The following FSTL5 variants were observed in gnomAD, a reference collection of about 807,000 sequenced individuals.
FSTL5 encodes the protein follistatin-related protein 5.
FSTL5 carries 62 observed loss-of-function variants against 89.1 expected under a neutral mutation model. That is an observed-to-expected ratio of 0.70 (90% confidence interval 0.57 to 0.86). The LOEUF is 0.86. FSTL5 is among the 40% of genes least tolerant of loss of function. The pLI is 0.00. For synonymous variants in FSTL5, 383 were observed against 346.2 expected (o/e 1.11, Z -1.18); for missense variants, 1,057 against 1,001.6 (o/e 1.06, Z -0.75).
chr4:162,030,345 G>T (rs1486692579), intron 3 of FSTL5, among the ~76,000 whole-genome samples: 1 of 152,098 alleles, frequency 6.6e-6, no homozygotes, highest in Non-Finnish European at 1.5e-5. Context: ...TACAATGTCT[G>T]AAATCTAATA....
rs527306334 is a variant in FSTL5, at chr4:161,616,772, C to T, written c.895-29197G>A. On this transcript the variant is annotated intron_variant, in intron 7 of 15. Transcript: ENST00000306100. The stretch of plus-strand genomic sequence containing the variant: ...CATGCAGAGCTTAATACATCGGTGA[C>T]GAGTGGATAGGTGCAGCAAACCACC... 1.8e-4 allele frequency among the ~76,000 whole-genome samples: 27 copies of T among 151,528 alleles called. 1 individual carries two copies. In the South Asian group the frequency reaches 3.6e-3, roughly 20 times the overall value.
intron 8 of FSTL5, among the ~76,000 whole-genome samples, chr4:161,543,645 T>G (rs545382613): frequency 6.6e-6 from 1 of 151,976 alleles, no homozygotes; most frequent in South Asian, 2.1e-4. Context: ...AGTGCAGAAA[T>G]AAACATACAT....
intron 15 of FSTL5, 25 bp downstream of exon 15, chr4:161,454,979 G>C (rs765609377): frequency 1.0e-5 from 16 of 1,606,790 alleles, no homozygotes; most frequent in Non-Finnish European, 1.4e-5. Flanking sequence ...TCTTTAAAAA[G>C]TTGATCACTC....
intron 3 of FSTL5, among the ~76,000 whole-genome samples, chr4:162,030,084 A>AT (rs1737462618): frequency 6.6e-6 from 1 of 151,522 alleles, no homozygotes; most frequent in Non-Finnish European, 1.5e-5. Flanking sequence ...TTATTTATTT[A>AT]TTTTTTTACT....
chr4:161,386,190 G>A lies in FSTL5; in HGVS notation c.2101C>T (p.Pro701Ser). The A allele has an allele frequency of 6.2e-7, 1 of 1,613,958 alleles. No homozygotes were observed. The highest frequency in any genetic ancestry group is 8.5e-7 in the Non-Finnish European group (1 of 1,179,964). The change falls in exon 16 of 16, where the codon CCA becomes TCA. Residue 701 changes from proline (P) to serine (S), a missense_variant. By Grantham distance (74) the Pro-to-Ser change is moderately conservative. Coordinates refer to ENST00000306100, the MANE Select transcript of FSTL5 (RefSeq NM_020116.5). ...ATGCTGACAAGGTAGTGGCCATCTGGAGAGACATATGGAGTGCCCGTCACA... is the reference window on the plus strand; with the variant it reads ...ATGCTGACAAGGTAGTGGCCATCTGAAGAGACATATGGAGTGCCCGTCACA... ...SDVTGTPYVSPDGHYLVSIND... is the reference protein window; with the variant it reads ...SDVTGTPYVSSDGHYLVSIND...
intron 8 of FSTL5, among the ~76,000 whole-genome samples, chr4:161,551,650 G>A (rs1732217462): frequency 6.6e-6 from 1 of 151,918 alleles, no homozygotes; most frequent in Non-Finnish European, 1.5e-5. Flanking sequence ...ATAGATCCAT[G>A]GAACAGAACA....
In FSTL5 at chr4:161,565,412, T is replaced by C. The variant is rs1413242977; in HGVS notation, c.1015+22043A>G. Among the ~76,000 whole-genome samples the C allele has an allele frequency of 3.3e-5, 5 of 152,052 alleles. No homozygotes were observed. The East Asian group carries it at 7.7e-4, about 24-fold the overall frequency. On this transcript the variant is annotated intron_variant, in intron 8 of 15. Transcript: ENST00000306100. ...ATAAATATATTGAAATAAATACATA[T>C]ATATGTTTTTGAGGGAAAAAATGCT...
At chr4:161,939,960 G>C (rs1161643199) in intron 3 of FSTL5, among the ~76,000 whole-genome samples, 1 of 151,706 alleles carries the variant, frequency 6.6e-6, no homozygotes, top group African/African-American at 2.4e-5. Flanking sequence ...ATTAAAAATG[G>C]TAGAAAAACT....
rs75791420 is a variant in FSTL5 at position 162,009,147 on chromosome 4, C to T, written c.160+24478G>A. On this transcript the variant is annotated intron_variant, in intron 3 of 15. Coordinates refer to ENST00000306100, the MANE Select transcript of FSTL5 (RefSeq NM_020116.5). ...CCATTTTTTCAACAATAATCAGAAC[C>T]GAAAGCCTTGTCCACCTTTTAGGAT... Among the ~76,000 whole-genome samples the T allele has an allele frequency of 4.6e-3, 703 of 152,052 alleles. 3 individuals carry two copies. Among genetic ancestry groups the T allele is most frequent in the African/African-American group, 0.015 (631 of 41,496 alleles).
At chr4:161,605,125 C>T (rs1647473432) in intron 7 of FSTL5, among the ~76,000 whole-genome samples, 1 of 152,030 alleles carries the variant, frequency 6.6e-6, no homozygotes, top group African/African-American at 2.4e-5. Flanking sequence ...TACTCACCCA[C>T]CAATAAGAAG....
At chr4:161,643,307 A>C (rs7688260) in intron 7 of FSTL5, among the ~76,000 whole-genome samples, 38,403 of 151,864 alleles carry the variant, frequency 0.25, 5,117 homozygotes, top group South Asian at 0.32. Flanking sequence ...GGCTCCCTTT[A>C]CTGGGAACAC....
At chr4:161,663,571 T>C (rs543846412) in intron 6 of FSTL5, among the ~76,000 whole-genome samples, 19 of 152,164 alleles carry the variant, frequency 1.2e-4, no homozygotes, top group Non-Finnish European at 2.5e-4. Flanking sequence ...GCTCAGCCCC[T>C]GTGGCATTGC....
intron 6 of FSTL5, among the ~76,000 whole-genome samples, chr4:161,753,574 A>G (rs1740469958): frequency 6.6e-6 from 1 of 152,152 alleles, no homozygotes; most frequent in Non-Finnish European, 1.5e-5. Flanking sequence ...TTTCTCAAAC[A>G]AAGGTTTTTA....
At chr4:162,141,568 C>T (rs1391279601) in intron 1 of FSTL5, among the ~76,000 whole-genome samples, 2 of 152,126 alleles carry the variant, frequency 1.3e-5, no homozygotes, top group South Asian at 4.1e-4. Flanking sequence ...CCAAATAAAC[C>T]TTATTTCTTC....
intron 4 of FSTL5, among the ~76,000 whole-genome samples, chr4:161,826,964 G>A (rs958801769): frequency 1.3e-5 from 2 of 152,032 alleles, no homozygotes; most frequent in Non-Finnish European, 2.9e-5. Context: ...TATTTACTGT[G>A]TTTTTGTTTT....
At chr4:161,426,389 A>C (rs1380032977) in intron 15 of FSTL5, among the ~76,000 whole-genome samples, 1 of 152,220 alleles carries the variant, frequency 6.6e-6, no homozygotes, top group Non-Finnish European at 1.5e-5. Context: ...ATATAGATGC[A>C]GCTAGGCAAT....
chr4:162,110,155 T>C (rs1022847680), intron 2 of FSTL5, among the ~76,000 whole-genome samples: 2 of 152,082 alleles, frequency 1.3e-5, no homozygotes, highest in African/African-American at 4.8e-5. Flanking sequence ...TACTTCCTTT[T>C]TTGTTGACTA....
At chr4:161,567,425 C>A (rs1262001392) in intron 8 of FSTL5, among the ~76,000 whole-genome samples, 1 of 152,148 alleles carries the variant, frequency 6.6e-6, no homozygotes, top group Non-Finnish European at 1.5e-5. Context: ...CATTAACCTT[C>A]TTTCCACTCT....
intron 6 of FSTL5, among the ~76,000 whole-genome samples, chr4:161,685,733 A>C (rs984233626): frequency 3.3e-5 from 5 of 152,050 alleles, no homozygotes; most frequent in Admixed American, 3.3e-4. Flanking sequence ...CTTCTTTCCC[A>C]ATTTGGATCC....
Sources: allele counts gnomAD v4.1 joint callset (sites outside exome capture counted in the v4.1 genomes callset), GRCh38; gene constraint gnomAD v4.1.1; transcripts MANE v1.5; gene names NCBI Gene and HGNC (gene_info 2026-07-23, HGNC 2026-07-21).